Variants in GNB1 observed in about 807,000 individuals in gnomAD.
The protein encoded by GNB1 is G protein subunit beta 1.
In GNB1, 2 loss-of-function variants were observed where a neutral mutation model predicts 42.9. The observed-to-expected ratio is 0.05, with a 90% confidence interval of 0.02 to 0.15. The LOEUF is 0.15. Ranked by LOEUF, GNB1 falls within the 10% of genes least tolerant of loss-of-function variation. The pLI is 1.00. For missense variants in GNB1, 193 were observed against 462.2 expected, an observed-to-expected ratio of 0.42 and a Z score of 5.34; for synonymous variants, 183 against 174.7, an observed-to-expected ratio of 1.05 and a Z score of -0.38.
intron 4 of GNB1, among the ~76,000 whole-genome samples, chr1:1,816,204 G>A (rs772568738): frequency 6.6e-6 from 1 of 152,274 alleles, no homozygotes; most frequent in South Asian, 2.1e-4. Flanking sequence ...AGTTCTTTGA[G>A]ATCTCGCAAC....
At chr1:1,867,252 A>C (rs1013728635) in intron 1 of GNB1, among the ~76,000 whole-genome samples, 1 of 152,200 alleles carries the variant, frequency 6.6e-6, no homozygotes, top group Non-Finnish European at 1.5e-5. Flanking sequence ...GGCAAGAGCG[A>C]AACTCCACCA....
At chr1:1,881,548 T>C (rs1270436358) in intron 1 of GNB1, among the ~76,000 whole-genome samples, 1 of 151,970 alleles carries the variant, frequency 6.6e-6, no homozygotes, top group African/African-American at 2.4e-5. Flanking sequence ...AGAATACAGG[T>C]GTGCGCCACC....
chr1:1,788,760 A>G, intron 10 of GNB1: 1 of 346,760 alleles, frequency 2.9e-6, no homozygotes, highest in Middle Eastern at 8.9e-4. Flanking sequence ...AGCAGAGTTC[A>G]GAGGGGAAAG....
chr1:1,859,302 G>A (rs1356283878), intron 1 of GNB1, among the ~76,000 whole-genome samples: 5 of 152,140 alleles, frequency 3.3e-5, no homozygotes, highest in Admixed American at 1.3e-4. Flanking sequence ...GCTTACAGGC[G>A]TGAGCCACCA....
At chr1:1,873,601 A>C (rs1239412092) in intron 1 of GNB1, among the ~76,000 whole-genome samples, 1 of 152,240 alleles carries the variant, frequency 6.6e-6, no homozygotes, top group Non-Finnish European at 1.5e-5. Flanking sequence ...AGGCCATGAC[A>C]ATATGCTCTT....
intron 1 of GNB1, among the ~76,000 whole-genome samples, chr1:1,866,387 C>T (rs774083938): frequency 3.3e-5 from 5 of 152,202 alleles, no homozygotes; most frequent in Non-Finnish European, 5.9e-5. Flanking sequence ...CCAAACTATA[C>T]ATATTCAAAA....
At chr1:1,861,923 G>A (rs1014416350) in intron 1 of GNB1, among the ~76,000 whole-genome samples, 32 of 152,140 alleles carry the variant, frequency 2.1e-4, no homozygotes, top group African/African-American at 2.4e-4. Context: ...AAGGGAGGCC[G>A]GGCGCAGTGG....
chr1:1,889,145 T>C (rs1465894954), intron 1 of GNB1, among the ~76,000 whole-genome samples: 1 of 152,206 alleles, frequency 6.6e-6, no homozygotes, highest in Non-Finnish European at 1.5e-5. Flanking sequence ...GCAAAAACCT[T>C]ATCAATAACA....
At chr1:1,828,806 T>A (rs1469859693) in intron 2 of GNB1, among the ~76,000 whole-genome samples, 1 of 151,848 alleles carries the variant, frequency 6.6e-6, no homozygotes, top group Non-Finnish European at 1.5e-5. Context: ...CTTTAGGAGG[T>A]CAAGTCGGGA....
intron 1 of GNB1, among the ~76,000 whole-genome samples, chr1:1,846,988 C>T (rs1306512683): frequency 6.6e-6 from 1 of 152,146 alleles, no homozygotes; most frequent in East Asian, 1.9e-4. Flanking sequence ...CAAGAGGCAC[C>T]AGGGTTCCCA....
intron 1 of GNB1, among the ~76,000 whole-genome samples, chr1:1,847,444 C>T (rs1414874408): frequency 2.6e-5 from 4 of 152,266 alleles, no homozygotes; most frequent in Admixed American, 6.5e-5. Context: ...TCAATACTGA[C>T]GGCAATGAAG....
intron 5 of GNB1, among the ~76,000 whole-genome samples, chr1:1,814,014 G>A (rs1646816931): frequency 6.6e-6 from 1 of 152,184 alleles, no homozygotes; most frequent in South Asian, 2.1e-4. Flanking sequence ...CGTGCTGTGT[G>A]GCACATTTCT....
At chr1:1,788,920 C>T (rs1646442480) in intron 10 of GNB1, 133 bp downstream of exon 10, 2 of 671,964 alleles carry the variant, frequency 3.0e-6, no homozygotes, top group Admixed American at 5.0e-5. Context: ...CAGTTTGCGA[C>T]TGTCACTCCT....
intron 1 of GNB1, among the ~76,000 whole-genome samples, chr1:1,887,432 A>C (rs1318044922): frequency 6.6e-6 from 1 of 152,250 alleles, no homozygotes; most frequent in East Asian, 1.9e-4. Context: ...CACACATAAA[A>C]TAAACCAAAA....
chr1:1,889,528 C>T (rs1278263747), intron 1 of GNB1, among the ~76,000 whole-genome samples: 1 of 152,076 alleles, frequency 6.6e-6, no homozygotes, highest in Non-Finnish European at 1.5e-5. Context: ...TCCATGAAGA[C>T]AGGCTGGGCA....
chr1:1,850,776 C>CT (rs1647938568), intron 1 of GNB1, among the ~76,000 whole-genome samples: 1 of 152,022 alleles, frequency 6.6e-6, no homozygotes, highest in South Asian at 2.1e-4. Context: ...CAAGAAATCG[C>CT]TTTTTTGTGT....
At chr1:1,850,296 A>G (rs1009778195) in intron 1 of GNB1, among the ~76,000 whole-genome samples, 1 of 151,890 alleles carries the variant, frequency 6.6e-6, no homozygotes, top group Non-Finnish European at 1.5e-5. Flanking sequence ...ACACCCTGCT[A>G]ATTTTTTTTA....
At position 1,802,459 on chromosome 1, in the gene GNB1, C is replaced by T. The variant is rs529781338; in HGVS notation, c.430+1960G>A. 4.6e-5 allele frequency among the ~76,000 whole-genome samples: 7 copies of T among 152,248 alleles called. No homozygotes were observed. The East Asian group carries it at 1.4e-3, about 29-fold the overall frequency. ...ACTCACAAGGATATTAAAAATTTCACATTGAATGATAATTAAAATACAATA... is the reference window on the plus strand; with the variant it reads ...ACTCACAAGGATATTAAAAATTTCATATTGAATGATAATTAAAATACAATA... On this transcript the variant is annotated intron_variant, in intron 7 of 11. Transcript: ENST00000378609.
chr1:1,801,334 C>T (rs1646623746), intron 7 of GNB1, among the ~76,000 whole-genome samples: 1 of 152,090 alleles, frequency 6.6e-6, no homozygotes, highest in African/African-American at 2.4e-5. Flanking sequence ...CAGCCTATTT[C>T]ATGCTTTTCA....
Sources: allele counts gnomAD v4.1 joint callset (sites outside exome capture counted in the v4.1 genomes callset), GRCh38; gene constraint gnomAD v4.1.1; transcripts MANE v1.5; gene names NCBI Gene and HGNC (gene_info 2026-07-23, HGNC 2026-07-21).